The following LEO1 variants were observed in gnomAD, a reference collection of about 807,000 sequenced individuals.
LEO1 encodes the protein RNA polymerase-associated protein LEO1.
Under a neutral mutation model 80.4 loss-of-function variants are expected in LEO1, and 34 were observed. The ratio of observed to expected loss-of-function variants is 0.42; its 90% CI spans 0.32 to 0.56. The LOEUF (loss-of-function observed/expected upper bound fraction) is 0.56. Ranked by LOEUF, LEO1 falls within the 20% of genes least tolerant of loss-of-function variation. LEO1 has a pLI of 0.10. For missense variants in LEO1, 631 were observed against 814.2 expected (o/e 0.77, Z 2.74); for synonymous variants, 262 against 274.9 (o/e 0.95, Z 0.46).
chr15:51,938,445 A>G (rs1206531957), intron 11 of LEO1, among the ~76,000 whole-genome samples, 185 bp from the exon 12 acceptor site: 1 of 152,234 alleles, frequency 6.6e-6, no homozygotes, highest in Non-Finnish European at 1.5e-5. Context: ...ACCTTTGAAC[A>G]CAGAGTAGGA....
Position 51,965,821 on chromosome 15 carries a change from C to G in LEO1, c.742G>C (p.Asp248His). 1 of 1,614,094 alleles carries G rather than the reference C, an allele frequency of 6.2e-7. No individual in the cohort carries two copies. The highest frequency in any genetic ancestry group is 8.5e-7 in the Non-Finnish European group (1 of 1,180,028). ...TCATCTGAGGCCTGTGGCCTTTCAT[C>G]ATCAGAATTTTGCATTTTCTCTTCA... Reference protein sequence around the residue: ...SDEEKMQNSDDERPQASDEEH... With the variant: ...SDEEKMQNSDHERPQASDEEH... The change falls in exon 2 of 12, where the codon GAT becomes CAT. Residue 248 changes from aspartate (D) to histidine (H), a missense_variant. By Grantham distance (81) the Asp-to-His change is moderately conservative. Coordinates refer to ENST00000299601, the MANE Select transcript of LEO1 (RefSeq NM_138792.4).
intron 6 of LEO1, among the ~76,000 whole-genome samples, chr15:51,955,363 T>TA (rs759357464): frequency 2.6e-5 from 4 of 152,192 alleles, no homozygotes; most frequent in Non-Finnish European, 2.9e-5. Context: ...CATATATGAA[T>TA]AAGGATAAAT....
intron 7 of LEO1, 64 bp from the exon 8 acceptor site, chr15:51,953,327 T>C: frequency 6.4e-7 from 1 of 1,559,066 alleles, no homozygotes; most frequent in Non-Finnish European, 8.8e-7. Flanking sequence ...CTTACTTCAC[T>C]TAAAGGTGAT....
intron 6 of LEO1, among the ~76,000 whole-genome samples, chr15:51,957,786 C>T (rs545417230): frequency 1.3e-5 from 2 of 152,158 alleles, no homozygotes; most frequent in South Asian, 4.1e-4. Flanking sequence ...TTTGGGAGGC[C>T]GAGGTGGGTG....
chr15:51,945,215 G>C (rs575512889), intron 11 of LEO1, among the ~76,000 whole-genome samples: 2 of 146,208 alleles, frequency 1.4e-5, no homozygotes, highest in Non-Finnish European at 3.0e-5. Context: ...CCATGAATTC[G>C]GGACCAGCCT....
intron 1 of LEO1, among the ~76,000 whole-genome samples, chr15:51,967,682 G>A (rs1039851074): frequency 2.0e-5 from 3 of 152,152 alleles, no homozygotes; most frequent in East Asian, 1.9e-4. Context: ...CGCTCAATAA[G>A]AGTAACAGCT....
chr15:51,949,777 TG>T, intron 10 of LEO1, 30 bp downstream of exon 10: 1 of 1,575,692 alleles, frequency 6.3e-7, no homozygotes, highest in Non-Finnish European at 8.7e-7. Flanking sequence ...AATCCCGAAA[TG>T]ATGAAATGTA....
At chr15:51,969,758 C>T (rs1423525838) in intron 1 of LEO1, among the ~76,000 whole-genome samples, 1 of 148,396 alleles carries the variant, frequency 6.7e-6, no homozygotes, top group Admixed American at 6.9e-5. Context: ...AGGAGAATTG[C>T]TTGAACCCGG....
At chr15:51,959,693 AAACT>A (rs768621884) in intron 5 of LEO1, among the ~76,000 whole-genome samples, 15 of 152,236 alleles carry the variant, frequency 9.9e-5, no homozygotes, top group Non-Finnish European at 2.2e-4. Context: ...AGAAAGTATC[AAACT>A]GCTAAAAACA....
At chr15:51,960,526 T>C (rs762134246) in intron 4 of LEO1, 113 bp downstream of exon 4, 3 of 663,370 alleles carry the variant, frequency 4.5e-6, no homozygotes, top group Admixed American at 2.6e-5. Flanking sequence ...CTGTTCATGG[T>C]ATTTTCATAC....
chr15:51,961,377 G>A (rs2057029365), intron 3 of LEO1, among the ~76,000 whole-genome samples: 1 of 150,658 alleles, frequency 6.6e-6, no homozygotes, highest in Non-Finnish European at 1.5e-5. Context: ...TGGTGGTGGT[G>A]GTGGTGGTGG....
intron 2 of LEO1, among the ~76,000 whole-genome samples, chr15:51,965,150 C>T (rs937701904): frequency 2.6e-5 from 4 of 152,134 alleles, no homozygotes; most frequent in Non-Finnish European, 4.4e-5. Context: ...GATTTGCCCC[C>T]GGGGAAACAT....
Position 51,959,883 on chromosome 15 carries a change from T to C in LEO1, c.1160+16A>G, listed in dbSNP as rs774467666. The C allele has an allele frequency of 3.2e-6, 5 of 1,552,746 alleles. No homozygotes were observed. In the South Asian group the frequency reaches 6.1e-5, roughly 19 times the overall value. ...TCTACTCAACATCCTGAAAAAATTT[T>C]AATTGATTTCCTTACCTGGGCTCTA... On this transcript the variant is annotated intron_variant, in intron 5 of 11. Transcript: ENST00000299601.
At chr15:51,965,322 A>G (rs1181970081) in intron 2 of LEO1, among the ~76,000 whole-genome samples, 4 of 152,186 alleles carry the variant, frequency 2.6e-5, no homozygotes, top group South Asian at 4.1e-4. Flanking sequence ...AGCTGCAGCA[A>G]TGGTGCCCAC....
At position 51,949,886 on chromosome 15, in the gene LEO1, G is replaced by A; in HGVS notation, c.1720C>T (p.Arg574Ter). ...GLSASYLEPD[R>*]YDEEEEGEES... is the part of the protein sequence containing the mutation. ...TCGCCTTCCTCCTCCTCATCGTATC[G>A]ATCAGGTTCCAGGTAACTGGCGCTC... The change falls in exon 10 of 12, where the codon CGA becomes TGA. Residue 574 changes from arginine (R) to a stop codon, truncating the protein, a stop_gained. Transcript: ENST00000299601. LOFTEE classifies it high-confidence loss of function. The A allele has an allele frequency of 2.5e-6, 4 of 1,613,930 alleles. No individual in the cohort carries two copies. Among genetic ancestry groups the A allele is most frequent in the South Asian group, 1.1e-5 (1 of 91,068 alleles).
rs747145616 is a variant in LEO1, at chr15:51,951,879, G to A, written c.1576C>T (p.Arg526Cys). 24 of 1,613,710 alleles carry A rather than the reference G, an allele frequency of 1.5e-5. No individual in the cohort carries two copies. The highest frequency in any genetic ancestry group is 2.2e-5 in the East Asian group (1 of 44,892). ...TCTGTGCGTTGGCATTCAGGATCAC[G>A]ACCAGCCATTGGCAAGATTCTAATC... is the stretch of plus-strand genomic sequence containing the variant. The part of the protein sequence containing the change: ...QKIRILPMAG[R>C]DPECQRTEMI... The change falls in exon 9 of 12, where the codon CGT (arginine) becomes TGT (cysteine). Residue 526 changes from arginine to cysteine, a missense_variant. Coordinates refer to ENST00000299601, the MANE Select transcript of LEO1 (RefSeq NM_138792.4).
chr15:51,952,439 AAT>A (rs2056956834), intron 8 of LEO1, among the ~76,000 whole-genome samples: 1 of 152,140 alleles, frequency 6.6e-6, no homozygotes, highest in Non-Finnish European at 1.5e-5. Context: ...ATGGAATTCA[AAT>A]ATGAGTCTAA....
At chr15:51,954,455 A>G (rs748631086) in intron 7 of LEO1, 26 bp downstream of exon 7, 4 of 1,460,900 alleles carry the variant, frequency 2.7e-6, no homozygotes, top group Middle Eastern at 3.5e-4. Flanking sequence ...GGGTATGTCA[A>G]TACCCTTCAG....
chr15:51,953,272 A>G lies in LEO1; in HGVS notation c.1341-9T>C, dbSNP rs187000266. 6.2e-7 allele frequency: 1 copy of G among 1,611,744 alleles called. No homozygotes were observed. Among genetic ancestry groups the G allele is most frequent in the African/African-American group, 1.3e-5 (1 of 74,958 alleles). On this transcript the variant is annotated splice_polypyrimidine_tract_variant and intron_variant, in intron 7 of 11. Coordinates refer to ENST00000299601, the MANE Select transcript of LEO1 (RefSeq NM_138792.4). ...CTAAATGCAGGGACATGCTGGAAAG[A>G]GAAACATTTCATCTATTAAAGTCAT...
Sources: allele counts gnomAD v4.1 joint callset (sites outside exome capture counted in the v4.1 genomes callset), GRCh38; gene constraint gnomAD v4.1.1; transcripts MANE v1.5; gene names NCBI Gene and HGNC (gene_info 2026-07-23, HGNC 2026-07-21).